The following KIF1B variants were observed in gnomAD, a reference collection of about 807,000 sequenced individuals.
KIF1B encodes the protein kinesin family member 1B.
A neutral mutation model predicts 241.9 loss-of-function variants in KIF1B; 76 were observed. The observed-to-expected ratio is 0.31, with a 90% CI of 0.26 to 0.38. KIF1B has a LOEUF of 0.38. KIF1B is among the 10% of genes least tolerant of loss of function. The probability of loss-of-function intolerance (pLI) is 1.00; values close to 1 mark genes in which losing one functional copy is unlikely to be tolerated. For missense variants in KIF1B, 1,622 were observed against 2,271.4 expected (o/e 0.71, Z 5.81); for synonymous variants, 750 against 796.7 (o/e 0.94, Z 0.99).
chr1:10,275,342 A>G, intron 10 of KIF1B, 86 bp from the exon 11 acceptor site: 1 of 768,436 alleles, frequency 1.3e-6, no homozygotes, highest in Non-Finnish European at 2.4e-6. Context: ...AATTTAATTT[A>G]CTTGGGAATT....
At chr1:10,364,770 G>A (rs1638518946) in intron 41 of KIF1B, among the ~76,000 whole-genome samples, 2 of 151,880 alleles carry the variant, frequency 1.3e-5, no homozygotes, top group Non-Finnish European at 2.9e-5. Flanking sequence ...ACTTTGGGAG[G>A]CTGAGGCAGG....
intron 14 of KIF1B, among the ~76,000 whole-genome samples, chr1:10,281,941 A>G (rs1649424163): frequency 1.3e-5 from 2 of 152,250 alleles, no homozygotes; most frequent in South Asian, 4.1e-4. Context: ...AAAAGTGTAA[A>G]TCTGAAGACA....
At chr1:10,262,162 G>A (rs1220245050) in intron 5 of KIF1B, among the ~76,000 whole-genome samples, 192 bp downstream of exon 5, 2 of 151,974 alleles carry the variant, frequency 1.3e-5, no homozygotes, top group Admixed American at 6.6e-5. Context: ...GGGGGTGCGC[G>A]GTGGGGACAG....
chr1:10,365,773 A>G lies in KIF1B; in HGVS notation c.4752+125A>G. On this transcript the variant is annotated intron_variant, in intron 43 of 48. Coordinates refer to ENST00000676179, the MANE Select transcript of KIF1B (RefSeq NM_001365951.3). The surrounding 1 kb of genome is among the most constrained non-coding windows in gnomAD (Gnocchi z 4.0). ...AGGCCTGTGATAATACTGTGAATGT[A>G]GAAATAAAAAGACGCAGTTCCTACC... 1 of 1,346,284 alleles carries G rather than the reference A, an allele frequency of 7.4e-7. No individual in the cohort carries two copies. Among genetic ancestry groups the G allele is most frequent in the Non-Finnish European group, 1.0e-6 (1 of 959,632 alleles). 83.4% of individuals were successfully genotyped at this position (1,346,284 alleles called of 1,614,324 possible).
chr1:10,267,357 T>G, intron 5 of KIF1B, 23 bp from the exon 6 acceptor site: 1 of 1,610,588 alleles, frequency 6.2e-7, no homozygotes, highest in Non-Finnish European at 8.5e-7. Flanking sequence ...TCACTCTAAT[T>G]CACTTTACTA....
chr1:10,255,615 G>A (rs1367682393), intron 2 of KIF1B, among the ~76,000 whole-genome samples: 3 of 151,968 alleles, frequency 2.0e-5, no homozygotes, highest in South Asian at 4.2e-4. Context: ...TAGAAATGTC[G>A]TTCATTTCCA....
At chr1:10,314,461 C>T (rs1014419860) in intron 22 of KIF1B, among the ~76,000 whole-genome samples, 1 of 151,408 alleles carries the variant, frequency 6.6e-6, no homozygotes, top group Non-Finnish European at 1.5e-5. Flanking sequence ...GCTGTGTCCT[C>T]CAGGCTGGAG....
At chr1:10,338,008 T>C (rs1486108576) in intron 31 of KIF1B, among the ~76,000 whole-genome samples, 1 of 152,196 alleles carries the variant, frequency 6.6e-6, no homozygotes, top group African/African-American at 2.4e-5. Context: ...GTGATACCTC[T>C]CATTTCTCAT....
intron 1 of KIF1B, among the ~76,000 whole-genome samples, chr1:10,212,890 GTATATATA>G (rs201066671): frequency 0.28 from 30,901 of 109,492 alleles, 4,179 homozygotes; most frequent in Admixed American, 0.38. Flanking sequence ...ATGCGTGTGT[GTATATATA>G]TATATATATA....
intron 22 of KIF1B, chr1:10,305,010 C>CT: frequency 8.9e-7 from 1 of 1,119,498 alleles, no homozygotes; most frequent in Non-Finnish European, 1.1e-6. Flanking sequence ...AGACCTGCCT[C>CT]TTAGTTTATG....
intron 32 of KIF1B, among the ~76,000 whole-genome samples, chr1:10,341,369 A>T (rs1353974315): frequency 4.6e-5 from 7 of 152,272 alleles, no homozygotes. Flanking sequence ...CCTGGCACAT[A>T]GGCCATAGTC....
Position 10,296,940 on chromosome 1 carries a change from C to T in KIF1B, c.1905C>T (p.Asn635=). Residue 635 remains asparagine, a synonymous_variant, in exon 21 of 49, where the codon AAC becomes AAT. Coordinates refer to ENST00000676179, the MANE Select transcript of KIF1B (RefSeq NM_001365951.3). ...IMGKNHVFRF[N]HPEQARAERE... is the part of the protein sequence containing the mutation. Reference sequence around the variant, plus strand: ...GTAAAAACCATGTTTTCCGCTTTAACCACCCGGAACAAGCACGAGCTGAGC... The same window carrying T: ...GTAAAAACCATGTTTTCCGCTTTAATCACCCGGAACAAGCACGAGCTGAGC... The T allele has an allele frequency of 6.2e-7, 1 of 1,613,998 alleles. No homozygotes were observed. The highest frequency in any genetic ancestry group is 1.1e-5 in the South Asian group (1 of 91,060).
intron 39 of KIF1B, among the ~76,000 whole-genome samples, 176 bp downstream of exon 39, chr1:10,361,219 T>G (rs571130190): frequency 6.6e-6 from 1 of 152,328 alleles, no homozygotes; most frequent in South Asian, 2.1e-4. Context: ...TAGACTCTAT[T>G]CCTGGGTTCT....
At chr1:10,275,909 CTT>C (rs34424252) in intron 11 of KIF1B, among the ~76,000 whole-genome samples, 193 of 141,312 alleles carry the variant, frequency 1.4e-3, no homozygotes, top group Admixed American at 2.0e-3. Flanking sequence ...ACTTCTCCTA[CTT>C]TTTTTTTTTT....
At chr1:10,241,545 C>T (rs1197077210) in intron 2 of KIF1B, among the ~76,000 whole-genome samples, 1 of 152,126 alleles carries the variant, frequency 6.6e-6, no homozygotes, top group Non-Finnish European at 1.5e-5. Context: ...ATTTAATAAG[C>T]TTCTTTACCT....
chr1:10,298,126 G>T (rs1364525710), intron 22 of KIF1B, among the ~76,000 whole-genome samples: 2 of 152,178 alleles, frequency 1.3e-5, no homozygotes, highest in Admixed American at 1.3e-4. Context: ...TGATATGTAA[G>T]AATAAAGTAT....
At chr1:10,370,190 C>T (rs955031812) in intron 44 of KIF1B, among the ~76,000 whole-genome samples, 5 of 152,206 alleles carry the variant, frequency 3.3e-5, no homozygotes, top group East Asian at 1.9e-4. Context: ...GTGGAGGTTG[C>T]GGTGAGCCAA....
At chr1:10,298,122 G>T (rs1291908351) in intron 22 of KIF1B, among the ~76,000 whole-genome samples, 3 of 152,198 alleles carry the variant, frequency 2.0e-5, no homozygotes, top group Non-Finnish European at 4.4e-5. Flanking sequence ...CATTTGATAT[G>T]TAAGAATAAA....
rs754234374 is a variant in KIF1B at position 10,361,803 on chromosome 1, G to A, written c.4282G>A (p.Gly1428Ser). The change falls in exon 40 of 49, where the codon GGC (glycine) becomes AGC (serine). Residue 1428 changes from glycine (G) to serine (S), a missense_variant. By Grantham distance (56) the Gly-to-Ser change is moderately conservative. Transcript: ENST00000676179. ...CTCTCTGCGTAGCCTCTTTGGCAGCGGCTACTCAAAGTCACCAGATTCGTA... is the reference window on the plus strand; with the variant it reads ...CTCTCTGCGTAGCCTCTTTGGCAGCAGCTACTCAAAGTCACCAGATTCGTA... ...PRSLRSLFGSGYSKSPDSNRV... is the reference protein window; with the variant it reads ...PRSLRSLFGSSYSKSPDSNRV... 4.3e-5 allele frequency: 70 copies of A among 1,613,902 alleles called. 1 individual carries two copies. Among genetic ancestry groups the A allele is most frequent in the African/African-American group, 6.7e-5 (5 of 74,896 alleles).
Sources: gnomAD v4.1 joint callset for allele counts (sites outside exome capture counted in the v4.1 genomes callset) on GRCh38, gnomAD v4.1.1 for gene constraint, Gnocchi (gnomAD v3.1) non-coding constraint, MANE v1.5 for transcripts, NCBI Gene and HGNC (gene_info 2026-07-23, HGNC 2026-07-21) for gene names.